Variants in NEGR1 observed in about 807,000 individuals in gnomAD.
The protein encoded by NEGR1 is neuronal growth regulator 1.
In NEGR1, 10 loss-of-function variants were observed where a neutral mutation model predicts 40.9. That is an observed-to-expected ratio of 0.24 (90% CI 0.15 to 0.42). The LOEUF (loss-of-function observed/expected upper bound fraction) is 0.42, where lower values mean the gene tolerates loss of function less well. Among genes scored for constraint, NEGR1 ranks in the 10% least tolerant of loss-of-function variants. The probability of loss-of-function intolerance (pLI) is 1.00; values close to 1 mark genes in which losing one functional copy is unlikely to be tolerated. For missense variants in NEGR1, 352 were observed against 438.9 expected, an observed-to-expected ratio of 0.80 and a Z score of 1.77; for synonymous variants, 185 against 166.8, an observed-to-expected ratio of 1.11 and a Z score of -0.84.
At chr1:72,217,970 C>T (rs1653880327) in intron 1 of NEGR1, among the ~76,000 whole-genome samples, 1 of 151,754 alleles carries the variant, frequency 6.6e-6, no homozygotes, top group Admixed American at 6.6e-5. Context: ...TATCATTTAG[C>T]TGAGTAATTT....
intron 3 of NEGR1, among the ~76,000 whole-genome samples, chr1:71,746,486 G>C (rs933756105): frequency 6.6e-6 from 1 of 151,874 alleles, no homozygotes; most frequent in African/African-American, 2.4e-5. Context: ...TCACATTTTT[G>C]AGTGAAATAA....
chr1:71,703,737 T>A lies in NEGR1; in HGVS notation c.536-5598A>T, dbSNP rs145618497. Among the ~76,000 whole-genome samples, 1,290 of 151,818 alleles carry A rather than the reference T, an allele frequency of 8.5e-3. 7 individuals carry two copies. The highest frequency in any genetic ancestry group is 0.024 in the Middle Eastern group (7 of 294). On this transcript the variant is annotated intron_variant, in intron 3 of 6. Transcript: ENST00000357731. The stretch of plus-strand genomic sequence containing the variant: ...AAGGCAGAGCAAGAGTACATAACAT[T>A]GCCAAATTGAAGCAGAGAGAGAAAA...
At position 71,776,287 on chromosome 1, in the gene NEGR1, C is replaced by G; in HGVS notation, c.420G>C (p.Lys140Asn). Residue 140 changes from lysine (K) to asparagine (N), a missense_variant, in exon 3 of 7, where the codon AAG becomes AAC. Coordinates refer to ENST00000357731, the MANE Select transcript of NEGR1 (RefSeq NM_173808.3). ...TCATATCATTTGAGATGTCATATAT[C>G]TTAGGAGGAACTGAAATGACAAAAT... is the stretch of plus-strand genomic sequence containing the variant. ...QVHLTVQVPP[K>N]IYDISNDMTV... 6.3e-7 allele frequency: 1 copy of G among 1,582,434 alleles called. No individual in the cohort carries two copies. The highest frequency in any genetic ancestry group is 8.6e-7 in the Non-Finnish European group (1 of 1,161,450).
chr1:72,210,119 G>C (rs1042208544), intron 1 of NEGR1, among the ~76,000 whole-genome samples: 1 of 151,862 alleles, frequency 6.6e-6, no homozygotes, highest in Non-Finnish European at 1.5e-5. Context: ...GCTCCATGGT[G>C]TGACATCTAG....
At chr1:72,174,169 T>C (rs1346435754) in intron 1 of NEGR1, among the ~76,000 whole-genome samples, 1 of 152,176 alleles carries the variant, frequency 6.6e-6, no homozygotes, top group Non-Finnish European at 1.5e-5. Context: ...GCAACTTTCT[T>C]AACGTAGACT....
At chr1:71,865,680 C>A (rs955673429) in intron 2 of NEGR1, among the ~76,000 whole-genome samples, 2 of 152,024 alleles carry the variant, frequency 1.3e-5, no homozygotes, top group Admixed American at 6.6e-5. Context: ...CAGCAAACTA[C>A]CATGGAACAT....
Position 72,091,919 on chromosome 1 carries a change from T to C in NEGR1, c.177-156608A>G, listed in dbSNP as rs1399910356. On this transcript the variant is annotated intron_variant, in intron 1 of 6. Transcript: ENST00000357731. ...ATAACGTGTGTGTGTGTGTGTGTCTTATTATAAGGACACTAATCCCATTGG... is the reference window on the plus strand; with the variant it reads ...ATAACGTGTGTGTGTGTGTGTGTCTCATTATAAGGACACTAATCCCATTGG... 2.6e-5 allele frequency among the ~76,000 whole-genome samples: 4 copies of C among 152,102 alleles called. No individual in the cohort carries two copies. The East Asian group carries it at 7.7e-4, about 29-fold the overall frequency.
At chr1:71,576,716 T>C (rs909822869) in intron 6 of NEGR1, among the ~76,000 whole-genome samples, 2 of 152,184 alleles carry the variant, frequency 1.3e-5, no homozygotes, top group Non-Finnish European at 2.9e-5. Flanking sequence ...AGTGTGGCCA[T>C]GTAGGTAAAG....
rs12094016 is a variant in NEGR1, at chr1:72,225,885, T to C, written c.176+56434A>G. 3.0e-3 allele frequency among the ~76,000 whole-genome samples: 452 copies of C among 151,896 alleles called. 3 individuals are homozygous for C. Among genetic ancestry groups the C allele is most frequent in the African/African-American group, 0.01 (433 of 41,556 alleles). On this transcript the variant is annotated intron_variant, in intron 1 of 6. Transcript: ENST00000357731. Reference sequence around the variant, plus strand: ...ATCTGTCACTTTTGATGAAAGTGAATTGATTTTTTATTATTTTTGAAGATA... The same window carrying C: ...ATCTGTCACTTTTGATGAAAGTGAACTGATTTTTTATTATTTTTGAAGATA...
chr1:71,867,583 G>A (rs1362590192), intron 2 of NEGR1, among the ~76,000 whole-genome samples: 1 of 152,138 alleles, frequency 6.6e-6, no homozygotes, highest in Non-Finnish European at 1.5e-5. Flanking sequence ...GTGTTTGAGA[G>A]ACTGATATGT....
chr1:71,753,478 G>A (rs1655635350), intron 3 of NEGR1, among the ~76,000 whole-genome samples: 1 of 152,102 alleles, frequency 6.6e-6, no homozygotes, highest in African/African-American at 2.4e-5. Context: ...TATCTCAGGA[G>A]TCTTTTGCCC....
intron 4 of NEGR1, among the ~76,000 whole-genome samples, chr1:71,679,537 C>T (rs1004004344): frequency 6.6e-6 from 1 of 152,082 alleles, no homozygotes; most frequent in Non-Finnish European, 1.5e-5. Flanking sequence ...AGCATCACTG[C>T]TAAACTCTTA....
intron 1 of NEGR1, among the ~76,000 whole-genome samples, chr1:72,031,072 C>A (rs946902043): frequency 1.3e-5 from 2 of 152,230 alleles, no homozygotes; most frequent in Middle Eastern, 3.4e-3. Context: ...TAACAGGACA[C>A]CCTGTTCATT....
chr1:71,678,969 C>G (rs1652737207), intron 4 of NEGR1, among the ~76,000 whole-genome samples: 1 of 152,130 alleles, frequency 6.6e-6, no homozygotes, highest in Non-Finnish European at 1.5e-5. Context: ...AATGGAAAAC[C>G]ACTGAAGATG....
intron 2 of NEGR1, among the ~76,000 whole-genome samples, chr1:71,871,810 C>CT (rs1387717706): frequency 3.3e-5 from 5 of 152,038 alleles, no homozygotes; most frequent in African/African-American, 7.2e-5. Context: ...ACCTAGGGTC[C>CT]TTTTTTCTAT....
chr1:71,685,202 T>C (rs1652989429), intron 4 of NEGR1, among the ~76,000 whole-genome samples: 2 of 152,200 alleles, frequency 1.3e-5, no homozygotes, highest in Admixed American at 1.3e-4. Flanking sequence ...CCCATTTGGC[T>C]ACAAGTAAAA....
At chr1:71,987,298 A>T (rs1415839548) in intron 1 of NEGR1, among the ~76,000 whole-genome samples, 1 of 152,212 alleles carries the variant, frequency 6.6e-6, no homozygotes, top group Non-Finnish European at 1.5e-5. Flanking sequence ...GAGGGTTTCA[A>T]TCAAGGCCTG....
chr1:71,657,070 C>A (rs1651904121), intron 4 of NEGR1, among the ~76,000 whole-genome samples: 1 of 152,120 alleles, frequency 6.6e-6, no homozygotes, highest in Non-Finnish European at 1.5e-5. Flanking sequence ...ACCCCATGGA[C>A]CACTGTAGTT....
At chr1:72,277,265 G>A (rs756529862) in intron 1 of NEGR1, among the ~76,000 whole-genome samples, 1 of 152,104 alleles carries the variant, frequency 6.6e-6, no homozygotes, top group Non-Finnish European at 1.5e-5. Flanking sequence ...ATAGCAGATG[G>A]ACAAAGTATG....
Sources: gnomAD v4.1 joint callset for allele counts (sites outside exome capture counted in the v4.1 genomes callset) on GRCh38, gnomAD v4.1.1 for gene constraint, MANE v1.5 for transcripts, NCBI Gene and HGNC (gene_info 2026-07-23, HGNC 2026-07-21) for gene names.